Variants in ASB13 observed in about 807,000 individuals in gnomAD.
The protein encoded by ASB13 is ankyrin repeat and SOCS box protein 13.
In ASB13, 33 loss-of-function variants were observed where a neutral mutation model predicts 28.8. The ratio of observed to expected loss-of-function variants is 1.15; its 90% CI spans 0.87 to 1.53. The LOEUF (loss-of-function observed/expected upper bound fraction) is 1.53. Among genes scored for constraint, ASB13 ranks in the 40% most tolerant of loss-of-function variants. ASB13 has a pLI of 0.00. For missense variants in ASB13, 414 were observed against 390.1 expected (o/e 1.06, Z -0.52); for synonymous variants, 182 against 172.9 (o/e 1.05, Z -0.41).
intron 1 of ASB13, among the ~76,000 whole-genome samples, chr10:5,654,698 A>G (rs1835044357): frequency 1.3e-5 from 2 of 152,232 alleles, no homozygotes; most frequent in African/African-American, 4.8e-5. Context: ...AGCAGACAAG[A>G]TCACATCACA....
In ASB13 at chr10:5,644,123, G is replaced by A. The variant is rs1443392862; in HGVS notation, c.518-2162C>T. Among the ~76,000 whole-genome samples the A allele has an allele frequency of 2.0e-5, 3 of 152,254 alleles. No individual in the cohort carries two copies. The highest frequency in any genetic ancestry group is 4.4e-5 in the Non-Finnish European group (3 of 68,048). On this transcript the variant is annotated intron_variant, in intron 4 of 5. Transcript: ENST00000357700. This position sits in a 1 kb window ranked among gnomAD's most constrained non-coding sequence, Gnocchi z 5.1. ...GGCCAGGGGTGCAGGCAGCTACATG[G>A]ATGGATCCTGAAAGTATAGCACTGA...
rs1835210380 is a variant in ASB13, at chr10:5,663,779, GC to G, written c.43+2729del. 6.6e-6 allele frequency among the ~76,000 whole-genome samples: 1 copy of G among 152,022 alleles called. No individual in the cohort carries two copies. Reference sequence around the variant, plus strand: ...ATAGGCTTTTCTGGTGTGTCAACAGGCCCTCTTTGAATTCCTATTTTAGGAT... The same window carrying G: ...ATAGGCTTTTCTGGTGTGTCAACAGGCCTCTTTGAATTCCTATTTTAGGAT... On this transcript the variant is annotated intron_variant, in intron 1 of 5. Coordinates refer to ENST00000357700, the MANE Select transcript of ASB13 (RefSeq NM_024701.4). This position sits in a 1 kb window ranked among gnomAD's most constrained non-coding sequence, Gnocchi z 4.9.
At position 5,656,078 on chromosome 10, in the gene ASB13, C is replaced by T. The variant is rs1835069034; in HGVS notation, c.44-3028G>A. 6.6e-6 allele frequency among the ~76,000 whole-genome samples: 1 copy of T among 152,158 alleles called. No individual in the cohort carries two copies. Among genetic ancestry groups the T allele is most frequent in the Non-Finnish European group, 1.5e-5 (1 of 68,032 alleles). On this transcript the variant is annotated intron_variant, in intron 1 of 5. Transcript: ENST00000357700. The surrounding 1 kb of genome is among the most constrained non-coding windows in gnomAD (Gnocchi z 4.3). ...TAAGAGCCCCGGTGCCCAGGGATGG[C>T]CAGGGAAGGTCACAGAGGCCGCAGA...
In ASB13 at chr10:5,644,836, G is replaced by A. The variant is rs1834859997; in HGVS notation, c.518-2875C>T. 6.6e-6 allele frequency among the ~76,000 whole-genome samples: 1 copy of A among 151,962 alleles called. No homozygotes were observed. The highest frequency in any genetic ancestry group is 2.4e-5 in the African/African-American group (1 of 41,386). On this transcript the variant is annotated intron_variant, in intron 4 of 5. Transcript: ENST00000357700. This position sits in a 1 kb window ranked among gnomAD's most constrained non-coding sequence, Gnocchi z 5.1. ...CCATCTCAGAAAAAAAAGAAAGAAAGAAGGGAACAGATACAGAGGAAAGAA... is the reference window on the plus strand; with the variant it reads ...CCATCTCAGAAAAAAAAGAAAGAAAAAAGGGAACAGATACAGAGGAAAGAA...
In ASB13 at chr10:5,640,662, G is replaced by C. The variant is rs1048456045; in HGVS notation, c.*41C>G. On this transcript the variant is annotated 3_prime_UTR_variant, in exon 6 of 6. Coordinates refer to ENST00000357700, the MANE Select transcript of ASB13 (RefSeq NM_024701.4). ...CAGAGCCCTCACCCGGGCAATGCTG[G>C]GCACAACGGGGGCAGCCACGGTCCG... The C allele has an allele frequency of 3.7e-6, 6 of 1,612,838 alleles. No individual in the cohort carries two copies. Among genetic ancestry groups the C allele is most frequent in the Non-Finnish European group, 5.1e-6 (6 of 1,179,110 alleles).
At position 5,649,126 on chromosome 10, in the gene ASB13, G is replaced by A. The variant is rs1834944554; in HGVS notation, c.383-22C>T. ...CTCCCTTAAGATAAATGGAAAAGGG[G>A]GGGAATGTCCTTGAATACGGACACT... On this transcript the variant is annotated intron_variant, in intron 3 of 5. Coordinates refer to ENST00000357700, the MANE Select transcript of ASB13 (RefSeq NM_024701.4). This position sits in a 1 kb window ranked among gnomAD's most constrained non-coding sequence, Gnocchi z 6.4. 1.2e-6 allele frequency: 2 copies of A among 1,613,684 alleles called. No homozygotes were observed. The highest frequency in any genetic ancestry group is 1.7e-5 in the Admixed American group (1 of 60,006).
Position 5,649,942 on chromosome 10 carries a change from C to T in ASB13, c.383-838G>A, listed in dbSNP as rs1271414269. 6.6e-6 allele frequency among the ~76,000 whole-genome samples: 1 copy of T among 152,186 alleles called. No homozygotes were observed. The highest frequency in any genetic ancestry group is 1.9e-4 in the East Asian group (1 of 5,198). The stretch of plus-strand genomic sequence containing the variant: ...CATTCCGTCTAGGCTCCAACCTTTC[C>T]GTTCACTCAATTACCTCTTCACTGT... On this transcript the variant is annotated intron_variant, in intron 3 of 5. Transcript: ENST00000357700. The surrounding 1 kb of genome is among the most constrained non-coding windows in gnomAD (Gnocchi z 6.4).
chr10:5,640,366 C>G lies in ASB13; in HGVS notation c.*337G>C. ...CAGTCCCCAGCTCTGCCAGCCTCCTCTGTGCTCCCCACGCCGTCTGTCCTG... is the reference window on the plus strand; with the variant it reads ...CAGTCCCCAGCTCTGCCAGCCTCCTGTGTGCTCCCCACGCCGTCTGTCCTG... On this transcript the variant is annotated 3_prime_UTR_variant, in exon 6 of 6. Coordinates refer to ENST00000357700, the MANE Select transcript of ASB13 (RefSeq NM_024701.4). 1 of 205,924 alleles carries G rather than the reference C, an allele frequency of 4.9e-6. No homozygotes were observed. Among genetic ancestry groups the G allele is most frequent in the Non-Finnish European group, 9.9e-6 (1 of 100,624 alleles). The allele number at this position is 205,924 out of a possible 1,614,324, so 12.8% of individuals were successfully genotyped here.
rs566822121 is a variant in ASB13 at position 5,649,258 on chromosome 10, C to T, written c.383-154G>A. ...CCCAACCTAGGGAGGAGTTCATGAC[C>T]CGCATGGCCCTCAGGAAGCCAGGAC... is the stretch of plus-strand genomic sequence containing the variant. On this transcript the variant is annotated intron_variant, in intron 3 of 5. Coordinates refer to ENST00000357700, the MANE Select transcript of ASB13 (RefSeq NM_024701.4). This position sits in a 1 kb window ranked among gnomAD's most constrained non-coding sequence, Gnocchi z 6.4. Among the ~76,000 whole-genome samples the T allele has an allele frequency of 1.3e-5, 2 of 152,264 alleles. No homozygotes were observed. The highest frequency in any genetic ancestry group is 3.9e-4 in the East Asian group (2 of 5,160).
At position 5,652,516 on chromosome 10, in the gene ASB13, TC is replaced by T. The variant is rs372272245; in HGVS notation, c.231+346del. The stretch of plus-strand genomic sequence containing the variant: ...GGCTGGCCAGCATCCCACTGAGTTA[TC>T]CTAAAGCCGGAAACCTGCTCTTTGG... On this transcript the variant is annotated intron_variant, in intron 2 of 5. Transcript: ENST00000357700. The surrounding 1 kb of genome is among the most constrained non-coding windows in gnomAD (Gnocchi z 5.0). Among the ~76,000 whole-genome samples the T allele has an allele frequency of 1.2e-4, 18 of 152,220 alleles. No individual in the cohort carries two copies. The highest frequency in any genetic ancestry group is 4.1e-4 in the African/African-American group (17 of 41,460).
At position 5,649,098 on chromosome 10, in the gene ASB13, G is replaced by C. The variant is rs765894266; in HGVS notation, c.389C>G (p.Ser130Cys). The change falls in exon 4 of 6, where the codon TCC becomes TGC. Residue 130 changes from serine (S) to cysteine (C), a missense_variant. Transcript: ENST00000357700. The surrounding 1 kb of genome is among the most constrained non-coding windows in gnomAD (Gnocchi z 6.4). ...PLHEACMSGS[S>C]ECVRLLIDVG... ...GTCAATAAGAAGCCTCACACATTCG[G>C]AACTCCCTTAAGATAAATGGAAAAG... is the stretch of plus-strand genomic sequence containing the variant. 1.2e-6 allele frequency: 2 copies of C among 1,614,174 alleles called. No homozygotes were observed. Among genetic ancestry groups the C allele is most frequent in the Non-Finnish European group, 1.7e-6 (2 of 1,180,032 alleles).
Position 5,652,474 on chromosome 10 carries a change from C to T in ASB13, c.231+389G>A, listed in dbSNP as rs1217846750. Among the ~76,000 whole-genome samples the T allele has an allele frequency of 6.6e-6, 1 of 152,230 alleles. No individual in the cohort carries two copies. The highest frequency in any genetic ancestry group is 1.5e-5 in the Non-Finnish European group (1 of 68,046). ...GCAGCAACACAGTTTTGTTTTTGTT[C>T]CTTTTTTCAGAGAGCTGGCTGGCCA... On this transcript the variant is annotated intron_variant, in intron 2 of 5. Coordinates refer to ENST00000357700, the MANE Select transcript of ASB13 (RefSeq NM_024701.4). The surrounding 1 kb of genome is among the most constrained non-coding windows in gnomAD (Gnocchi z 5.0).
intron 1 of ASB13, among the ~76,000 whole-genome samples, chr10:5,665,612 T>G (rs1026640252): frequency 6.6e-6 from 1 of 152,198 alleles, no homozygotes; most frequent in Non-Finnish European, 1.5e-5. Flanking sequence ...TTGCCTGGAC[T>G]GGAATGCCAA....
Position 5,649,141 on chromosome 10 carries a change from A to G in ASB13, c.383-37T>C. On this transcript the variant is annotated intron_variant, in intron 3 of 5. Coordinates refer to ENST00000357700, the MANE Select transcript of ASB13 (RefSeq NM_024701.4). This position sits in a 1 kb window ranked among gnomAD's most constrained non-coding sequence, Gnocchi z 6.4. Reference sequence around the variant, plus strand: ...TGGAAAAGGGGGGGAATGTCCTTGAATACGGACACTGGAGACAACAAGCAC... The same window carrying G: ...TGGAAAAGGGGGGGAATGTCCTTGAGTACGGACACTGGAGACAACAAGCAC... 1 of 1,612,456 alleles carries G rather than the reference A, an allele frequency of 6.2e-7. No homozygotes were observed. The highest frequency in any genetic ancestry group is 1.3e-5 in the African/African-American group (1 of 75,046).
rs927616517 is a variant in ASB13 at position 5,656,467 on chromosome 10, A to G, written c.44-3417T>C. On this transcript the variant is annotated intron_variant, in intron 1 of 5. Transcript: ENST00000357700. This position sits in a 1 kb window ranked among gnomAD's most constrained non-coding sequence, Gnocchi z 4.3. ...GGCAGCAGAATCGCTTGAACCCAGG[A>G]GGCGGAGATTGCAGTGAGCTGAGAT... 3.3e-5 allele frequency among the ~76,000 whole-genome samples: 5 copies of G among 151,758 alleles called. No individual in the cohort carries two copies. The highest frequency in any genetic ancestry group is 4.2e-4 in the South Asian group (2 of 4,792).
In ASB13 at chr10:5,656,189, G is replaced by A. The variant is rs1164218645; in HGVS notation, c.44-3139C>T. Reference sequence around the variant, plus strand: ...TGTCCAAGAAGATGCTGGTATCCACGTGGTTGCTCAGTGAGTGAGTGGATG... The same window carrying A: ...TGTCCAAGAAGATGCTGGTATCCACATGGTTGCTCAGTGAGTGAGTGGATG... On this transcript the variant is annotated intron_variant, in intron 1 of 5. Transcript: ENST00000357700. The surrounding 1 kb of genome is among the most constrained non-coding windows in gnomAD (Gnocchi z 4.3). Among the ~76,000 whole-genome samples the A allele has an allele frequency of 6.6e-6, 1 of 152,156 alleles. No homozygotes were observed. The highest frequency in any genetic ancestry group is 2.4e-5 in the African/African-American group (1 of 41,436).
At chr10:5,666,189 C>T (rs1021797087) in intron 1 of ASB13, among the ~76,000 whole-genome samples, 1 of 152,224 alleles carries the variant, frequency 6.6e-6, no homozygotes, top group Non-Finnish European at 1.5e-5. Flanking sequence ...GCAACGGCCC[C>T]GCACGCGTCC....
Position 5,644,678 on chromosome 10 carries a change from C to T in ASB13, c.518-2717G>A, listed in dbSNP as rs1431551820. On this transcript the variant is annotated intron_variant, in intron 4 of 5. Coordinates refer to ENST00000357700, the MANE Select transcript of ASB13 (RefSeq NM_024701.4). This position sits in a 1 kb window ranked among gnomAD's most constrained non-coding sequence, Gnocchi z 5.1. ...ACTAAAAATCCAAAAATTACCTGGG[C>T]GTGGTGGTGCACATCTATAATCCCA... 2.0e-5 allele frequency among the ~76,000 whole-genome samples: 3 copies of T among 151,968 alleles called. No individual in the cohort carries two copies. Among genetic ancestry groups the T allele is most frequent in the East Asian group, 1.9e-4 (1 of 5,160 alleles).
rs1834984636 is a variant in ASB13, at chr10:5,651,507, A to C, written c.232-144T>G. On this transcript the variant is annotated intron_variant, in intron 2 of 5. Coordinates refer to ENST00000357700, the MANE Select transcript of ASB13 (RefSeq NM_024701.4). This position sits in a 1 kb window ranked among gnomAD's most constrained non-coding sequence, Gnocchi z 5.1. ...TATTATGTGCTAGGCAACGACACTG[A>C]AAGAGATAGCACGTGGCTGCGGAGC... 1 of 903,692 alleles carries C rather than the reference A, an allele frequency of 1.1e-6. No homozygotes were observed. Among genetic ancestry groups the C allele is most frequent in the Non-Finnish European group, 1.6e-6 (1 of 613,888 alleles). 56.0% of individuals were successfully genotyped at this position (903,692 alleles called of 1,614,324 possible). A position where few individuals can be genotyped will look rare whatever the true frequency, so the allele number is the denominator to read the frequency against.
Sources: gnomAD v4.1 joint callset for allele counts (sites outside exome capture counted in the v4.1 genomes callset) on GRCh38, gnomAD v4.1.1 for gene constraint, Gnocchi (gnomAD v3.1) non-coding constraint, MANE v1.5 for transcripts, NCBI Gene and HGNC (gene_info 2026-07-23, HGNC 2026-07-21) for gene names.